The following MIA2 variants were observed in gnomAD, a reference collection of about 807,000 sequenced individuals.
The protein encoded by MIA2 is MIA SH3 domain ER export factor 2, also known as melanoma inhibitory activity protein 2.
MIA2 carries 127 observed loss-of-function variants against 167.8 expected under a neutral mutation model. The ratio of observed to expected loss-of-function variants is 0.76; its 90% CI spans 0.66 to 0.88. MIA2 has a LOEUF of 0.88. Among genes scored for constraint, MIA2 ranks in the 40% least tolerant of loss-of-function variants. The pLI, the probability that MIA2 is intolerant of heterozygous loss-of-function variation, is 0.00. For synonymous variants in MIA2, 552 were observed against 541.9 expected (o/e 1.02, Z -0.26); for missense variants, 1,690 against 1,624.7 (o/e 1.04, Z -0.69).
chr14:39,384,792 T>TCA lies in MIA2; in HGVS notation c.2249-2078_2249-2077dup, dbSNP rs760872745. Among the ~76,000 whole-genome samples the TCA allele has an allele frequency of 2.6e-3, 392 of 150,830 alleles. 1 individual carries two copies. The highest frequency in any genetic ancestry group is 8.5e-3 in the African/African-American group (348 of 41,086). On this transcript the variant is annotated intron_variant, in intron 23 of 23. Coordinates refer to the MIA2 transcript ENST00000341502. ...CATACATACATGTGCACGCGCACACTCACACACACACACACATCTTATTTT... is the reference window on the plus strand; with the variant it reads ...CATACATACATGTGCACGCGCACACTCACACACACACACACACATCTTATTTT...
At chr14:39,319,418 A>G (rs1467767797) in intron 23 of MIA2, 127 bp downstream of exon 23, 9 of 427,590 alleles carry the variant, frequency 2.1e-5, no homozygotes, top group Non-Finnish European at 3.1e-5. Context: ...TTTTAGAACC[A>G]AGGTTCTAGA....
At chr14:39,306,925 T>A (rs975744778) in intron 17 of MIA2, among the ~76,000 whole-genome samples, 3 of 152,170 alleles carry the variant, frequency 2.0e-5, no homozygotes, top group Non-Finnish European at 4.4e-5. Context: ...TTAAAAAAAT[T>A]GATGCATAAA....
intron 17 of MIA2, among the ~76,000 whole-genome samples, chr14:39,307,681 G>T (rs971594866): frequency 6.6e-6 from 1 of 151,986 alleles, no homozygotes; most frequent in African/African-American, 2.4e-5. Flanking sequence ...ATGTACAGGC[G>T]TGAGCCACCG....
intron 9 of MIA2, among the ~76,000 whole-genome samples, chr14:39,285,689 G>T (rs1470724562): frequency 2.6e-5 from 4 of 151,836 alleles, no homozygotes; most frequent in Admixed American, 2.0e-4. Context: ...CCCGGTCGGG[G>T]TGGCTGCCGG....
At chr14:39,314,706 G>A (rs1330948149) in intron 19 of MIA2, 33 bp from the exon 20 acceptor site, 1 of 1,407,286 alleles carries the variant, frequency 7.1e-7, no homozygotes, top group Admixed American at 1.9e-5. Flanking sequence ...CATGTTATAT[G>A]TTAATAGTAG....
At chr14:39,287,162 C>A (rs1286779456) in intron 9 of MIA2, among the ~76,000 whole-genome samples, 1 of 152,180 alleles carries the variant, frequency 6.6e-6, no homozygotes, top group Non-Finnish European at 1.5e-5. Context: ...CAGCCTCAGC[C>A]TCCCGGGTTC....
At chr14:39,317,349 A>G (rs1452362507) in intron 21 of MIA2, among the ~76,000 whole-genome samples, 1 of 152,190 alleles carries the variant, frequency 6.6e-6, no homozygotes, top group Admixed American at 6.6e-5. Context: ...GACAGTTAAT[A>G]GGAGAGGCTC....
chr14:39,326,423 T>C (rs1356402119), intron 24 of MIA2, among the ~76,000 whole-genome samples: 1 of 152,164 alleles, frequency 6.6e-6, no homozygotes, highest in Non-Finnish European at 1.5e-5. Context: ...TGCAGTTTTT[T>C]ACATGGCTCT....
intron 4 of MIA2, among the ~76,000 whole-genome samples, chr14:39,248,947 C>T (rs780094916): frequency 7.2e-5 from 11 of 152,078 alleles, no homozygotes; most frequent in Non-Finnish European, 1.0e-4. Context: ...CTATGTTGTC[C>T]ATGGTGGTCT....
In MIA2 at chr14:39,274,492, G is replaced by A. The variant is rs531409422; in HGVS notation, c.1888-2442G>A. 4.7e-5 allele frequency among the ~76,000 whole-genome samples: 7 copies of A among 148,898 alleles called. No homozygotes were observed. The East Asian group carries it at 1.2e-3, about 25-fold the overall frequency. On this transcript the variant is annotated intron_variant, in intron 6 of 28. Transcript: ENST00000640607. The stretch of plus-strand genomic sequence containing the variant: ...CACCCAGGCTGGAGTGCAGTGGCGT[G>A]TTCTTGGCTCACTGTAGCCTCCTCC...
In MIA2 at chr14:39,279,494, A is replaced by G; in HGVS notation, c.2087A>G (p.Glu696Gly). Residue 696 changes from glutamate (E) to glycine (G), a missense_variant, in exon 9 of 29, where the codon GAA (glutamate) becomes GGA (glycine). Transcript: ENST00000640607. Reference sequence around the variant, plus strand: ...CTAATGCTTTCTGGACTAATTGAAGAAAAAAGTAAACTACTTGAAAAATTT... The same window carrying G: ...CTAATGCTTTCTGGACTAATTGAAGGAAAAAGTAAACTACTTGAAAAATTT... Reference protein sequence around the residue: ...LALMLSGLIEEKSKLLEKFSL... With the variant: ...LALMLSGLIEGKSKLLEKFSL... The G allele has an allele frequency of 6.2e-7, 1 of 1,608,440 alleles. No homozygotes were observed. The highest frequency in any genetic ancestry group is 8.5e-7 in the Non-Finnish European group (1 of 1,179,006).
intron 2 of MIA2, among the ~76,000 whole-genome samples, chr14:39,239,884 G>A (rs2053961463): frequency 6.6e-6 from 1 of 152,272 alleles, no homozygotes; most frequent in African/African-American, 2.4e-5. Context: ...CACAGTTGAG[G>A]TATAATGGTG....
rs369491319 is a variant in MIA2, at chr14:39,302,794, TA to T, written c.2740+553del. Among the ~76,000 whole-genome samples the T allele has an allele frequency of 6.6e-5, 10 of 151,978 alleles. No individual in the cohort carries two copies. In the South Asian group the frequency reaches 1.0e-3, roughly 16 times the overall value. On this transcript the variant is annotated intron_variant, in intron 15 of 28. Transcript: ENST00000640607. ...TATTCTCACACCAATTCCTTTGACC[TA>T]AAAAAAACCTTTTTATTTTGAAATA...
At chr14:39,376,347 A>C (rs1172467751) in intron 23 of MIA2, among the ~76,000 whole-genome samples, 1 of 152,226 alleles carries the variant, frequency 6.6e-6, no homozygotes, top group Admixed American at 6.5e-5. Context: ...TGAGTTTAAC[A>C]TGATAAATTA....
chr14:39,291,036 A>G lies in MIA2; in HGVS notation c.2148A>G (p.Val716=), dbSNP rs1199205221. ...TGTTTCAGTATGAAGGCTATGAAGT[A>G]GAGTCATCTTTAAAGGATGCCAGCT... is the stretch of plus-strand genomic sequence containing the variant. ...LVQKEYEGYE[V]ESSLKDASFE... is the part of the protein sequence containing the mutation. The change falls in exon 10 of 29, where the codon GTA becomes GTG. Residue 716 remains valine (V), a synonymous_variant. Transcript: ENST00000640607. 1 of 1,608,266 alleles carries G rather than the reference A, an allele frequency of 6.2e-7. No individual in the cohort carries two copies. The highest frequency in any genetic ancestry group is 2.2e-5 in the East Asian group (1 of 44,554).
rs1199882877 is a variant in MIA2, at chr14:39,314,793, A to G, written c.3174A>G (p.Gln1058=). ...TGGAGAGAACTATTCATTCTTATCA[A>G]GGGCAGGTATATATATATGTGTGTG... is the stretch of plus-strand genomic sequence containing the variant. ...EELERTIHSY[Q]GQIISHEKKA... is the part of the protein sequence containing the mutation. Residue 1058 remains glutamine, a synonymous_variant, in exon 20 of 29, where the codon CAA becomes CAG. Transcript: ENST00000640607. 1.3e-6 allele frequency: 2 copies of G among 1,499,662 alleles called. No individual in the cohort carries two copies. The highest frequency in any genetic ancestry group is 1.8e-6 in the Non-Finnish European group (2 of 1,098,660). 92.9% of individuals were successfully genotyped at this position (1,499,662 alleles called of 1,614,324 possible). A position where few individuals can be genotyped will look rare whatever the true frequency, so the allele number is the denominator to read the frequency against.
Position 39,304,304 on chromosome 14 carries a change from TA to T in MIA2, c.2806del (p.Thr936ProfsTer2). ...CCTTCTTTAAAGTTAAATGCTTCTTTAAAAACCTTAGAAGGAGAAAGAAACC... is the reference window on the plus strand; with the variant it reads ...CCTTCTTTAAAGTTAAATGCTTCTTTAAAACCTTAGAAGGAGAAAGAAACC... ...LIHAAKLNASLKTLEGERNQI... is the reference protein window; with the variant it reads ...LIHAAKLNASXKTLEGERNQI... On this transcript the variant is annotated frameshift_variant, in exon 17 of 29. Transcript: ENST00000640607. LOFTEE classifies it high-confidence loss of function. The T allele has an allele frequency of 6.7e-7, 1 of 1,498,870 alleles. No individual in the cohort carries two copies. 92.8% of individuals were successfully genotyped at this position (1,498,870 alleles called of 1,614,324 possible).
chr14:39,269,090 T>TTTTTTTTTTTTTTTA, intron 6 of MIA2: 1 of 959,892 alleles, frequency 1.0e-6, no homozygotes, highest in Non-Finnish European at 1.2e-6. Flanking sequence ...TTTTTTTTTT[T>TTTTTTTTTTTTTTTA]TTTTTTTTTG....
intron 20 of MIA2, chr14:39,315,445 G>GATT (rs1455477774): frequency 2.6e-6 from 1 of 384,776 alleles, no homozygotes; most frequent in African/African-American, 2.1e-5. Flanking sequence ...AATTCCTGTT[G>GATT]ATTATTACAT....
Sources: gnomAD v4.1 joint callset for allele counts (sites outside exome capture counted in the v4.1 genomes callset) on GRCh38, gnomAD v4.1.1 for gene constraint, MANE v1.5 for transcripts, NCBI Gene and HGNC (gene_info 2026-07-23, HGNC 2026-07-21) for gene names.